The following CDKAL1 variants were observed in gnomAD, a reference collection of about 807,000 sequenced individuals.
The protein encoded by CDKAL1 is CDKAL1 threonylcarbamoyladenosine tRNA methylthiotransferase.
CDKAL1 carries 32 observed loss-of-function variants against 68.2 expected under a neutral mutation model. The ratio of observed to expected loss-of-function variants is 0.47; its 90% CI spans 0.35 to 0.63. The LOEUF (loss-of-function observed/expected upper bound fraction) is 0.63. Among genes scored for constraint, CDKAL1 ranks in the 30% least tolerant of loss-of-function variants. CDKAL1 has a pLI of 0.00. For synonymous variants in CDKAL1, 234 were observed against 244.3 expected, an observed-to-expected ratio of 0.96 and a Z score of 0.39; for missense variants, 606 against 696.7, an observed-to-expected ratio of 0.87 and a Z score of 1.47.
intron 13 of CDKAL1, among the ~76,000 whole-genome samples, chr6:21,162,610 G>A (rs192393500): frequency 2.5e-4 from 38 of 152,298 alleles, no homozygotes; most frequent in Admixed American, 3.9e-4. Context: ...CTTGATGCTT[G>A]TTAGCTTTGA....
At chr6:20,748,944 C>CATGTATGTGTGTATATATATGTAT (rs1286791298) in intron 6 of CDKAL1, among the ~76,000 whole-genome samples, 8 of 138,032 alleles carry the variant, frequency 5.8e-5, no homozygotes, top group Non-Finnish European at 1.1e-4. Flanking sequence ...AAGTACTTTG[C>CATGTATGTGTGTATATATATGTAT]ATGTATGTGT....
chr6:21,107,419 T>C (rs2150990458), intron 12 of CDKAL1, among the ~76,000 whole-genome samples: 1 of 152,198 alleles, frequency 6.6e-6, no homozygotes, highest in East Asian at 1.9e-4. Flanking sequence ...CTTTTTTCTT[T>C]CTTTCTTTTG....
chr6:21,037,107 A>G (rs1291442439), intron 11 of CDKAL1, among the ~76,000 whole-genome samples: 3 of 152,032 alleles, frequency 2.0e-5, no homozygotes, highest in Non-Finnish European at 2.9e-5. Context: ...TGGGGGGAAA[A>G]ATCTAAAACG....
At chr6:20,642,332 G>A (rs1187608367) in intron 4 of CDKAL1, among the ~76,000 whole-genome samples, 1 of 152,156 alleles carries the variant, frequency 6.6e-6, no homozygotes, top group East Asian at 1.9e-4. Flanking sequence ...TGGAAAAAAT[G>A]TTGTGACTTC....
chr6:20,902,451 G>A (rs1364329707), intron 9 of CDKAL1, among the ~76,000 whole-genome samples: 1 of 152,024 alleles, frequency 6.6e-6, no homozygotes, highest in Middle Eastern at 3.2e-3. Flanking sequence ...TATGGATAAG[G>A]TACAATGTAC....
intron 10 of CDKAL1, among the ~76,000 whole-genome samples, chr6:20,970,382 T>C (rs146294313): frequency 6.6e-6 from 1 of 152,180 alleles, no homozygotes; most frequent in African/African-American, 2.4e-5. Flanking sequence ...GCTGCAAACC[T>C]TTAGTTAATT....
At chr6:21,032,076 C>G (rs1054598642) in intron 11 of CDKAL1, among the ~76,000 whole-genome samples, 1 of 152,108 alleles carries the variant, frequency 6.6e-6, no homozygotes, top group Non-Finnish European at 1.5e-5. Flanking sequence ...TTAATGCTAT[C>G]TATATACTGA....
At chr6:20,850,395 A>G (rs561714462) in intron 9 of CDKAL1, among the ~76,000 whole-genome samples, 3 of 152,158 alleles carry the variant, frequency 2.0e-5, no homozygotes, top group South Asian at 4.2e-4. Context: ...CAGTCATATG[A>G]TAGAATATAC....
intron 5 of CDKAL1, among the ~76,000 whole-genome samples, chr6:20,684,396 C>T (rs148711705): frequency 5.3e-5 from 8 of 152,320 alleles, no homozygotes; most frequent in South Asian, 2.1e-4. Flanking sequence ...GAGCCAAGAT[C>T]GTGTCACTGC....
At chr6:21,136,882 T>C (rs1246931475) in intron 13 of CDKAL1, among the ~76,000 whole-genome samples, 1 of 152,200 alleles carries the variant, frequency 6.6e-6, no homozygotes, top group Non-Finnish European at 1.5e-5. Context: ...TTGGACGCCT[T>C]CTCAAATTAT....
intron 9 of CDKAL1, among the ~76,000 whole-genome samples, chr6:20,932,163 G>A (rs567910874): frequency 4.4e-4 from 67 of 152,282 alleles, no homozygotes; most frequent in Non-Finnish European, 6.9e-4. Flanking sequence ...AAATAATAGT[G>A]TGAGAACAAA....
intron 4 of CDKAL1, among the ~76,000 whole-genome samples, chr6:20,573,642 T>G (rs949636903): frequency 1.3e-5 from 2 of 152,222 alleles, no homozygotes; most frequent in African/African-American, 4.8e-5. Context: ...TGGTTTAGGA[T>G]GTAGAACATC....
intron 5 of CDKAL1, among the ~76,000 whole-genome samples, chr6:20,695,352 C>G (rs1439339596): frequency 6.6e-6 from 1 of 152,118 alleles, no homozygotes. Context: ...CCATATGTAG[C>G]CTCTCTTTTT....
intron 13 of CDKAL1, among the ~76,000 whole-genome samples, chr6:21,187,278 G>A (rs1466413376): frequency 6.6e-6 from 1 of 152,108 alleles, no homozygotes; most frequent in African/African-American, 2.4e-5. Context: ...AATATTATGA[G>A]GTATGTGACC....
chr6:20,990,862 C>CT (rs1766753744), intron 10 of CDKAL1, among the ~76,000 whole-genome samples: 2 of 152,134 alleles, frequency 1.3e-5, no homozygotes. Context: ...CGAACATTGC[C>CT]TAGAAGTCTT....
chr6:21,177,430 T>C (rs1777626277), intron 13 of CDKAL1, among the ~76,000 whole-genome samples: 1 of 152,214 alleles, frequency 6.6e-6, no homozygotes, highest in Non-Finnish European at 1.5e-5. Flanking sequence ...ACCTCTGCAT[T>C]GTAATGATTA....
chr6:20,700,363 A>T (rs903104522), intron 5 of CDKAL1, among the ~76,000 whole-genome samples: 2 of 151,968 alleles, frequency 1.3e-5, no homozygotes, highest in Admixed American at 1.3e-4. Context: ...CTCAAAAAAA[A>T]AAAAAAAAAT....
At chr6:20,768,707 C>G (rs1251513801) in intron 7 of CDKAL1, among the ~76,000 whole-genome samples, 2 of 152,120 alleles carry the variant, frequency 1.3e-5, no homozygotes, top group African/African-American at 4.8e-5. Context: ...TTTGAAGGAG[C>G]TTTCATTTCC....
chr6:20,616,839 CCACACACACACACACA>C (rs756883799), intron 4 of CDKAL1, among the ~76,000 whole-genome samples: 7 of 121,312 alleles, frequency 5.8e-5, no homozygotes, highest in Non-Finnish European at 1.2e-4. Flanking sequence ...CCCGACTCTA[CCACACACACACACACA>C]CACACACACA....
Sources: gnomAD v4.1 joint callset for allele counts (sites outside exome capture counted in the v4.1 genomes callset) on GRCh38, gnomAD v4.1.1 for gene constraint, MANE v1.5 for transcripts, NCBI Gene and HGNC (gene_info 2026-07-23, HGNC 2026-07-21) for gene names.